The following SPPL3 variants were observed in gnomAD, a reference collection of about 807,000 sequenced individuals.
SPPL3 encodes signal peptide peptidase-like 3.
SPPL3 carries 5 observed loss-of-function variants against 42.4 expected under a neutral mutation model. The observed-to-expected ratio is 0.12, with a 90% CI of 0.06 to 0.25. The LOEUF (loss-of-function observed/expected upper bound fraction) is 0.25. Among genes scored for constraint, SPPL3 ranks in the 10% least tolerant of loss-of-function variants. SPPL3 has a pLI of 1.00. For synonymous variants in SPPL3, 195 were observed against 181.8 expected (o/e 1.07, Z -0.58); for missense variants, 235 against 489.0 (o/e 0.48, Z 4.90).
chr12:120,797,523 T>C (rs986224054), intron 2 of SPPL3, among the ~76,000 whole-genome samples: 2 of 152,162 alleles, frequency 1.3e-5, no homozygotes, highest in African/African-American at 4.8e-5. Flanking sequence ...TTTTTAAAGT[T>C]GTTTCATGTG....
chr12:120,868,230 T>C (rs887606793), intron 1 of SPPL3, among the ~76,000 whole-genome samples: 9 of 151,800 alleles, frequency 5.9e-5, no homozygotes, highest in Non-Finnish European at 1.3e-4. Context: ...CACTCCAGCC[T>C]GGGTGACGGA....
At chr12:120,774,398 T>G (rs116996531) in intron 6 of SPPL3, among the ~76,000 whole-genome samples, 4 of 152,316 alleles carry the variant, frequency 2.6e-5, no homozygotes, top group Non-Finnish European at 5.9e-5. Context: ...TAAAGTTGCA[T>G]AAACTCAGGA....
intron 6 of SPPL3, among the ~76,000 whole-genome samples, chr12:120,779,818 T>TCC (rs1869459563): frequency 4.7e-4 from 1 of 2,136 alleles, no homozygotes; most frequent in Non-Finnish European, 8.7e-4. Flanking sequence ...CTACTAAAAA[T>TCC]ACAAAAAAAA....
intron 1 of SPPL3, among the ~76,000 whole-genome samples, chr12:120,891,967 CCTTT>C (rs1186393020): frequency 6.6e-6 from 1 of 152,074 alleles, no homozygotes; most frequent in Non-Finnish European, 1.5e-5. Flanking sequence ...TAGCTGAGTC[CCTTT>C]CTTTCTCTAG....
intron 1 of SPPL3, among the ~76,000 whole-genome samples, chr12:120,853,741 A>G (rs1872340033): frequency 6.6e-6 from 1 of 152,156 alleles, no homozygotes; most frequent in South Asian, 2.1e-4. Context: ...GGCAGAGCCA[A>G]GCATTCATAA....
At chr12:120,789,782 G>C (rs142010806) in intron 3 of SPPL3, among the ~76,000 whole-genome samples, 1,585 of 120,250 alleles carry the variant, frequency 0.013, 14 homozygotes, top group Admixed American at 0.027. Context: ...CTGAGATCAC[G>C]TCATTGCACT....
In SPPL3 at chr12:120,804,041, C is replaced by CA. The variant is rs536587782; in HGVS notation, c.101+6767dup. ...CAAGTATAGTTCTTATTAAAGAACTCAGCATCTCTGCAGGCTTACTAACCT... is the reference window on the plus strand; with the variant it reads ...CAAGTATAGTTCTTATTAAAGAACTCAAGCATCTCTGCAGGCTTACTAACCT... On this transcript the variant is annotated intron_variant, in intron 2 of 10. Coordinates refer to ENST00000353487, the MANE Select transcript of SPPL3 (RefSeq NM_139015.5). Among the ~76,000 whole-genome samples the CA allele has an allele frequency of 1.7e-3, 252 of 152,294 alleles. 1 individual carries two copies. Among genetic ancestry groups the CA allele is most frequent in the African/African-American group, 5.7e-3 (235 of 41,566 alleles).
intron 1 of SPPL3, among the ~76,000 whole-genome samples, chr12:120,868,229 C>T (rs544928555): frequency 6.6e-6 from 1 of 151,820 alleles, no homozygotes; most frequent in Non-Finnish European, 1.5e-5. Context: ...GCACTCCAGC[C>T]TGGGTGACGG....
At chr12:120,768,698 C>T in intron 7 of SPPL3, 2 of 660,460 alleles carry the variant, frequency 3.0e-6, no homozygotes, top group Non-Finnish European at 5.1e-6. Context: ...GACGGGGTGG[C>T]CCCCACTGCA....
intron 1 of SPPL3, among the ~76,000 whole-genome samples, chr12:120,878,124 A>G (rs114717991): frequency 1.3e-3 from 194 of 152,336 alleles, no homozygotes; most frequent in African/African-American, 4.4e-3. Context: ...ACATACCAGT[A>G]ATGACCAGCT....
At chr12:120,812,027 A>G (rs1407463590) in intron 1 of SPPL3, among the ~76,000 whole-genome samples, 1 of 151,056 alleles carries the variant, frequency 6.6e-6, no homozygotes, top group Non-Finnish European at 1.5e-5. Context: ...GGACCTGGTG[A>G]TTGTTTATGG....
At chr12:120,817,994 G>A (rs566314305) in intron 1 of SPPL3, among the ~76,000 whole-genome samples, 1 of 152,246 alleles carries the variant, frequency 6.6e-6, no homozygotes, top group African/African-American at 2.4e-5. Context: ...AAGGAAAAAG[G>A]GTGGGTAAGT....
chr12:120,782,792 G>C, intron 5 of SPPL3, 25 bp from the exon 6 acceptor site: 1 of 1,529,012 alleles, frequency 6.5e-7, no homozygotes, highest in South Asian at 1.2e-5. Context: ...ACACTTATTG[G>C]ACAGTGGGCA....
At chr12:120,825,855 G>A (rs929424842) in intron 1 of SPPL3, among the ~76,000 whole-genome samples, 2 of 152,160 alleles carry the variant, frequency 1.3e-5, no homozygotes, top group Non-Finnish European at 2.9e-5. Context: ...CTAAGCATGA[G>A]GTGATCAAGT....
intron 1 of SPPL3, among the ~76,000 whole-genome samples, chr12:120,893,216 C>A (rs1243990550): frequency 6.6e-6 from 1 of 151,296 alleles, no homozygotes; most frequent in South Asian, 2.1e-4. Context: ...TTTGGGAGGC[C>A]GAGGTGGGCG....
chr12:120,847,430 C>G (rs1349919704), intron 1 of SPPL3, among the ~76,000 whole-genome samples: 2 of 152,028 alleles, frequency 1.3e-5, no homozygotes, highest in East Asian at 1.9e-4. Flanking sequence ...GTAGCTGGGA[C>G]CACAGGTGTG....
intron 1 of SPPL3, among the ~76,000 whole-genome samples, chr12:120,827,027 A>T (rs1322414472): frequency 6.6e-6 from 1 of 152,120 alleles, no homozygotes; most frequent in African/African-American, 2.4e-5. Context: ...GGTGATTTCT[A>T]CCAACCCCGA....
intron 1 of SPPL3, among the ~76,000 whole-genome samples, chr12:120,866,612 CTTCTA>C (rs1185150163): frequency 6.6e-6 from 1 of 152,164 alleles, no homozygotes; most frequent in African/African-American, 2.4e-5. Context: ...TAATGTATTT[CTTCTA>C]TTCTAAGACA....
intron 1 of SPPL3, among the ~76,000 whole-genome samples, chr12:120,898,174 C>A (rs896242859): frequency 6.6e-6 from 1 of 151,758 alleles, no homozygotes; most frequent in South Asian, 2.1e-4. Context: ...CATGGTGGAG[C>A]CTGCCTGTAG....
Sources: allele counts gnomAD v4.1 joint callset (sites outside exome capture counted in the v4.1 genomes callset), GRCh38; gene constraint gnomAD v4.1.1; transcripts MANE v1.5; gene names NCBI Gene and HGNC (gene_info 2026-07-23, HGNC 2026-07-21).